The following MDGA2 variants were observed in gnomAD, a reference collection of about 807,000 sequenced individuals.
The protein encoded by MDGA2 is MAM domain containing glycosylphosphatidylinositol anchor 2.
MDGA2 carries 40 observed loss-of-function variants against 117.8 expected under a neutral mutation model. The ratio of observed to expected loss-of-function variants is 0.34; its 90% CI spans 0.26 to 0.44. MDGA2 has a LOEUF of 0.44. Ranked by LOEUF, MDGA2 falls within the 20% of genes least tolerant of loss-of-function variation. The pLI is 1.00. For missense variants in MDGA2, 1,123 were observed against 1,250.6 expected (o/e 0.90, Z 1.54); for synonymous variants, 452 against 439.0 (o/e 1.03, Z -0.37).
intron 1 of MDGA2, among the ~76,000 whole-genome samples, chr14:47,318,096 T>G (rs1889862959): frequency 6.8e-6 from 1 of 148,068 alleles, no homozygotes; most frequent in Admixed American, 6.7e-5. Flanking sequence ...CTATCATCTC[T>G]CACTCCAACC....
At chr14:47,462,904 A>G (rs939422223) in intron 1 of MDGA2, among the ~76,000 whole-genome samples, 3 of 152,258 alleles carry the variant, frequency 2.0e-5, no homozygotes, top group Admixed American at 6.5e-5. Context: ...AAGCACATAG[A>G]GTTTCAAAAT....
intron 3 of MDGA2, among the ~76,000 whole-genome samples, chr14:47,151,911 G>A (rs1446798194): frequency 2.0e-5 from 3 of 151,958 alleles, no homozygotes; most frequent in African/African-American, 4.8e-5. Flanking sequence ...TATAAAGGAA[G>A]ATTAATCTGT....
intron 5 of MDGA2, among the ~76,000 whole-genome samples, chr14:47,127,511 C>T (rs574793757): frequency 6.6e-6 from 1 of 152,190 alleles, no homozygotes; most frequent in Non-Finnish European, 1.5e-5. Context: ...AAGCATATGA[C>T]ATGTCTGATT....
At position 47,097,656 on chromosome 14, in the gene MDGA2, G is replaced by C. The variant is rs138033023; in HGVS notation, c.926-533C>G. 2.2e-3 allele frequency among the ~76,000 whole-genome samples: 337 copies of C among 151,822 alleles called. 2 individuals carry two copies. Among genetic ancestry groups the C allele is most frequent in the African/African-American group, 7.3e-3 (303 of 41,458 alleles). On this transcript the variant is annotated intron_variant, in intron 5 of 16. Transcript: ENST00000399232. ...TTCAGTGAGCCTGATTTTTGTTCTC[G>C]AAAGAAAAAAATAAAATCATCTAAT...
At chr14:47,014,862 T>C (rs1297037143) in intron 8 of MDGA2, among the ~76,000 whole-genome samples, 1 of 152,194 alleles carries the variant, frequency 6.6e-6, no homozygotes, top group East Asian at 1.9e-4. Flanking sequence ...AGAATTTTCC[T>C]TTGCATCCAC....
chr14:47,231,747 G>T (rs1183903974), intron 2 of MDGA2, among the ~76,000 whole-genome samples: 2 of 135,370 alleles, frequency 1.5e-5, no homozygotes, highest in Non-Finnish European at 3.3e-5. Context: ...TTGAACCTTC[G>T]TGTTGGAAAA....
intron 14 of MDGA2, among the ~76,000 whole-genome samples, chr14:46,860,459 TGC>T (rs1220507884): frequency 6.6e-6 from 1 of 152,020 alleles, no homozygotes; most frequent in Non-Finnish European, 1.5e-5. Flanking sequence ...TGAATCAATT[TGC>T]TAGTATTTTA....
intron 1 of MDGA2, among the ~76,000 whole-genome samples, chr14:47,671,089 T>G (rs1019898674): frequency 2.0e-5 from 3 of 152,142 alleles, no homozygotes; most frequent in Non-Finnish European, 4.4e-5. Context: ...GTAATAAATA[T>G]AAAGTACAAA....
At chr14:47,129,488 T>A (rs1882085705) in intron 5 of MDGA2, among the ~76,000 whole-genome samples, 1 of 150,700 alleles carries the variant, frequency 6.6e-6, no homozygotes, top group Non-Finnish European at 1.5e-5. Context: ...ATCCAGTCTA[T>A]CATTGTTGGA....
At chr14:47,298,685 T>TTC (rs1326731039) in intron 2 of MDGA2, among the ~76,000 whole-genome samples, 2 of 83,342 alleles carry the variant, frequency 2.4e-5, no homozygotes, top group South Asian at 3.8e-4. Context: ...TAATTTTTCT[T>TTC]TTTTTTTTTT....
At position 47,583,137 on chromosome 14, in the gene MDGA2, A is replaced by G. The variant is rs188425660; in HGVS notation, c.280+91380T>C. Among the ~76,000 whole-genome samples, 274 of 152,050 alleles carry G rather than the reference A, an allele frequency of 1.8e-3. 1 individual carries two copies. Among genetic ancestry groups the G allele is most frequent in the African/African-American group, 6.3e-3 (263 of 41,550 alleles). ...AGAGAGATAAGTAAGCCAGACAGAAAAGGTCTCTATTCTCACAGAGCTTGA... is the reference window on the plus strand; with the variant it reads ...AGAGAGATAAGTAAGCCAGACAGAAGAGGTCTCTATTCTCACAGAGCTTGA... On this transcript the variant is annotated intron_variant, in intron 1 of 16. Coordinates refer to ENST00000399232, the MANE Select transcript of MDGA2 (RefSeq NM_001113498.3).
intron 1 of MDGA2, among the ~76,000 whole-genome samples, chr14:47,498,067 T>C (rs759351031): frequency 1.3e-5 from 2 of 152,192 alleles, no homozygotes; most frequent in Non-Finnish European, 2.9e-5. Context: ...TTAGGTATAA[T>C]ACTCTATTTT....
At chr14:46,868,809 T>G (rs1053965885) in intron 14 of MDGA2, among the ~76,000 whole-genome samples, 3 of 152,022 alleles carry the variant, frequency 2.0e-5, no homozygotes, top group Admixed American at 2.0e-4. Flanking sequence ...ATCTCCTCTT[T>G]GAACATGTAC....
chr14:47,487,626 A>T (rs1894087703), intron 1 of MDGA2, among the ~76,000 whole-genome samples: 1 of 152,194 alleles, frequency 6.6e-6, no homozygotes, highest in Admixed American at 6.5e-5. Flanking sequence ...AGAATGGAAG[A>T]ATGGAAAAGA....
chr14:47,165,389 C>T (rs776667337), intron 3 of MDGA2, among the ~76,000 whole-genome samples: 27 of 152,268 alleles, frequency 1.8e-4, no homozygotes, highest in African/African-American at 5.3e-4. Context: ...CTTGATATCC[C>T]GAAAGTTTGA....
intron 1 of MDGA2, among the ~76,000 whole-genome samples, chr14:47,606,134 C>A (rs1174876291): frequency 1.3e-5 from 2 of 152,140 alleles, no homozygotes. Context: ...TATTTCCCTC[C>A]AACTAAATTA....
intron 1 of MDGA2, among the ~76,000 whole-genome samples, chr14:47,401,760 A>G (rs1158857977): frequency 3.9e-5 from 6 of 152,124 alleles, no homozygotes; most frequent in African/African-American, 1.2e-4. Flanking sequence ...AATCACCTGA[A>G]AGCTCTCTTA....
At chr14:47,438,163 A>G (rs1414246676) in intron 1 of MDGA2, among the ~76,000 whole-genome samples, 2 of 152,174 alleles carry the variant, frequency 1.3e-5, no homozygotes, top group Admixed American at 1.3e-4. Context: ...CTGTATTCTT[A>G]TTAACCATCT....
chr14:47,234,426 T>C (rs1047411915), intron 2 of MDGA2, among the ~76,000 whole-genome samples: 2 of 152,122 alleles, frequency 1.3e-5, no homozygotes, highest in East Asian at 3.8e-4. Context: ...AATTTTCACA[T>C]ACTGTATTCC....
Sources: allele counts gnomAD v4.1 joint callset (sites outside exome capture counted in the v4.1 genomes callset), GRCh38; gene constraint gnomAD v4.1.1; transcripts MANE v1.5; gene names NCBI Gene and HGNC (gene_info 2026-07-23, HGNC 2026-07-21).